The following LIPM variants were observed in gnomAD, a reference collection of about 807,000 sequenced individuals.
The protein encoded by LIPM is lipase member M.
Under a neutral mutation model 42.4 loss-of-function variants are expected in LIPM, and 42 were observed. The ratio of observed to expected loss-of-function variants is 0.99; its 90% CI spans 0.77 to 1.28. The LOEUF (loss-of-function observed/expected upper bound fraction) is 1.28, where lower values mean the gene tolerates loss of function less well. Among genes scored for constraint, LIPM ranks in the 50% most tolerant of loss-of-function variants. The pLI, the probability that LIPM is intolerant of heterozygous loss-of-function variation, is 0.00. For missense variants in LIPM, 524 were observed against 520.1 expected, an observed-to-expected ratio of 1.01 and a Z score of -0.07; for synonymous variants, 177 against 173.3, an observed-to-expected ratio of 1.02 and a Z score of -0.17.
At chr10:88,805,878 TAAATC>T (rs1843580152) in intron 1 of LIPM, 1 of 436,898 alleles carries the variant, frequency 2.3e-6, no homozygotes, top group Admixed American at 2.6e-5. Flanking sequence ...AGGAAAGAGA[TAAATC>T]AAACTGTGAT....
chr10:88,817,117 T>G (rs1390361131), intron 7 of LIPM, among the ~76,000 whole-genome samples: 3 of 152,204 alleles, frequency 2.0e-5, no homozygotes, highest in Non-Finnish European at 2.9e-5. Context: ...ATCTTAAAAG[T>G]ATGAATTTAG....
chr10:88,816,156 A>T (rs143676213), intron 6 of LIPM, among the ~76,000 whole-genome samples: 1 of 152,232 alleles, frequency 6.6e-6, no homozygotes, highest in East Asian at 1.9e-4. Context: ...GTCTTTATAC[A>T]CCATATCAGT....
chr10:88,807,484 G>A (rs552161862), intron 1 of LIPM, among the ~76,000 whole-genome samples: 2 of 152,162 alleles, frequency 1.3e-5, no homozygotes, highest in South Asian at 2.1e-4. Flanking sequence ...AGAATAGTGA[G>A]GATGCTTAGA....
chr10:88,804,745 G>A (rs890531539), intron 1 of LIPM, among the ~76,000 whole-genome samples: 5 of 152,156 alleles, frequency 3.3e-5, no homozygotes, highest in African/African-American at 1.2e-4. Flanking sequence ...TTACTGTCCC[G>A]TTTCTGGAGA....
Position 88,808,425 on chromosome 10 carries a change from A to C in LIPM, c.265+10A>C. 7.0e-7 allele frequency: 1 copy of C among 1,437,742 alleles called. No homozygotes were observed. The highest frequency in any genetic ancestry group is 1.4e-5 in the African/African-American group (1 of 70,542). The allele number at this position is 1,437,742 out of a possible 1,614,324, so 89.1% of individuals were successfully genotyped here. A position where few individuals can be genotyped will look rare whatever the true frequency, so the allele number is the denominator to read the frequency against. ...CAACCTAAGAAGACAGGTGTGGGTC[A>C]CCCCATGTCACCGCAACACAGCAGT... On this transcript the variant is annotated intron_variant, in intron 2 of 8. Coordinates refer to ENST00000404743, the MANE Select transcript of LIPM (RefSeq NM_001128215.1).
chr10:88,802,879 A>G lies in LIPM; in HGVS notation c.-18A>G, dbSNP rs1008486241. ...AGTTGTTACATTGGCAGGAAAAAAT[A>G]AATGCAGATGTTGGACCATGTTGGA... On this transcript the variant is annotated 5_prime_UTR_variant, in exon 1 of 9. The change creates a new upstream start codon in the 5' untranslated region. Coordinates refer to ENST00000404743, the MANE Select transcript of LIPM (RefSeq NM_001128215.1). 6.6e-7 allele frequency: 1 copy of G among 1,522,774 alleles called. No homozygotes were observed. The highest frequency in any genetic ancestry group is 1.4e-5 in the African/African-American group (1 of 71,292). 94.3% of individuals were successfully genotyped at this position (1,522,774 alleles called of 1,614,324 possible).
rs913967990 is a variant in LIPM, at chr10:88,813,296, G to A, written c.464+1G>A. ...ACCAAGATGAGTTCTGGGCTTTCAGGTATATGATAATCTCGAGAACAGAGG... is the reference window on the plus strand; with the variant it reads ...ACCAAGATGAGTTCTGGGCTTTCAGATATATGATAATCTCGAGAACAGAGG... On this transcript the variant is annotated splice_donor_variant, in intron 3 of 8. Transcript: ENST00000404743. LOFTEE classifies it high-confidence loss of function. 6.3e-7 allele frequency: 1 copy of A among 1,579,298 alleles called. No individual in the cohort carries two copies. Among genetic ancestry groups the A allele is most frequent in the Non-Finnish European group, 8.6e-7 (1 of 1,159,868 alleles).
At chr10:88,818,027 T>A (rs903455289) in intron 8 of LIPM, 131 bp downstream of exon 8, 1 of 713,302 alleles carries the variant, frequency 1.4e-6, no homozygotes, top group Non-Finnish European at 2.3e-6. Context: ...TGGTTCATGT[T>A]TGACTCCATT....
At chr10:88,805,466 T>A (rs78487643) in intron 1 of LIPM, among the ~76,000 whole-genome samples, 1,775 of 152,332 alleles carry the variant, frequency 0.012, 31 homozygotes, top group African/African-American at 0.039. Flanking sequence ...TTTTTTATAC[T>A]ATTACAAAAG....
In LIPM at chr10:88,817,842, A is replaced by G. The variant is rs1007493430; in HGVS notation, c.948A>G (p.Glu316=). The G allele has an allele frequency of 7.7e-6, 12 of 1,551,272 alleles. No individual in the cohort carries two copies. The highest frequency in any genetic ancestry group is 1.0e-5 in the Non-Finnish European group (12 of 1,146,820). ...LHWSQAVNSG[E]LRAFDWGSET... ...CCTTTTAGGCAGTGAATTCTGGTGA[A>G]CTCCGGGCATTTGACTGGGGGAGTG... Residue 316 remains glutamate (E), a synonymous_variant, in exon 8 of 9, where the codon GAA becomes GAG. Transcript: ENST00000404743.
Position 88,807,942 on chromosome 10 carries a change from T to G in LIPM, c.148-356T>G, listed in dbSNP as rs894434959. ...AGTGGTTCTCAAACATTAGGGTACA[T>G]CAAAATTCCCTAAAGAGCTTGAGAC... On this transcript the variant is annotated intron_variant, in intron 1 of 8. Transcript: ENST00000404743. Among the ~76,000 whole-genome samples, 3 of 152,178 alleles carry G rather than the reference T, an allele frequency of 2.0e-5. No individual in the cohort carries two copies. In the East Asian group the frequency reaches 5.8e-4, roughly 29 times the overall value.
rs897237772 is a variant in LIPM, at chr10:88,817,859, G to C, written c.965G>C (p.Trp322Ser). Residue 322 changes from tryptophan (W) to serine (S), a missense_variant, in exon 8 of 9, where the codon TGG becomes TCG. Trp to Ser is a radical substitution (Grantham distance 177). Transcript: ENST00000404743. ...TCTGGTGAACTCCGGGCATTTGACT[G>C]GGGGAGTGAGACCAAAAATCTGGAA... ...VNSGELRAFD[W>S]GSETKNLEKC... 1.3e-6 allele frequency: 2 copies of C among 1,551,330 alleles called. No homozygotes were observed. The highest frequency in any genetic ancestry group is 1.7e-6 in the Non-Finnish European group (2 of 1,146,758).
chr10:88,808,345 C>A lies in LIPM; in HGVS notation c.195C>A (p.Val65=). The part of the protein sequence containing the change: ...HQGYPCEEYE[V]ATEDGYILSV... ...GCTATCCCTGTGAGGAATATGAAGTCGCAACTGAAGATGGGTATATCCTTT... is the reference window on the plus strand; with the variant it reads ...GCTATCCCTGTGAGGAATATGAAGTAGCAACTGAAGATGGGTATATCCTTT... Residue 65 remains valine, a synonymous_variant, in exon 2 of 9, where the codon GTC becomes GTA. Transcript: ENST00000404743. 6.4e-7 allele frequency: 1 copy of A among 1,551,396 alleles called. No individual in the cohort carries two copies. The highest frequency in any genetic ancestry group is 8.7e-7 in the Non-Finnish European group (1 of 1,146,748).
intron 2 of LIPM, among the ~76,000 whole-genome samples, chr10:88,810,955 G>T (rs1266473791): frequency 6.6e-6 from 1 of 152,164 alleles, no homozygotes; most frequent in Non-Finnish European, 1.5e-5. Flanking sequence ...TGAACTAAAT[G>T]ACCAGATTAG....
At position 88,816,838 on chromosome 10, in the gene LIPM, C is replaced by T. The variant is rs561979576; in HGVS notation, c.881C>T (p.Ala294Val). 4.5e-6 allele frequency: 7 copies of T among 1,551,220 alleles called. No homozygotes were observed. The highest frequency in any genetic ancestry group is 2.0e-5 in the Admixed American group (1 of 50,984). ...CAGAGCCGAGCAAGTGTATATGCTG[C>T]CCACACTCTTGCTGGAACATCTGTG... Reference protein sequence around the residue: ...MNMSRASVYAAHTLAGTSVQN... With the variant: ...MNMSRASVYAVHTLAGTSVQN... Residue 294 changes from alanine (A) to valine (V), a missense_variant, in exon 7 of 9, where the codon GCC becomes GTC. Physicochemically the swap from Ala to Val is moderately conservative, Grantham distance 64 (BLOSUM62 0). Coordinates refer to ENST00000404743, the MANE Select transcript of LIPM (RefSeq NM_001128215.1).
intron 8 of LIPM, among the ~76,000 whole-genome samples, chr10:88,819,120 C>T (rs1843755155): frequency 6.6e-6 from 1 of 152,020 alleles, no homozygotes; most frequent in Non-Finnish European, 1.5e-5. Context: ...AAACTCCTGA[C>T]CTCAAGTGAT....
chr10:88,814,973 A>C, intron 4 of LIPM, 115 bp from the exon 5 acceptor site: 1 of 922,454 alleles, frequency 1.1e-6, no homozygotes, highest in Non-Finnish European at 1.6e-6. Flanking sequence ...TTTATAGGAG[A>C]GGTAAGATGC....
At chr10:88,818,773 C>A (rs901902993) in intron 8 of LIPM, among the ~76,000 whole-genome samples, 1 of 152,124 alleles carries the variant, frequency 6.6e-6, no homozygotes, top group Non-Finnish European at 1.5e-5. Context: ...GTGCAGTGCC[C>A]CTGGATAGTG....
In LIPM at chr10:88,816,120, G is replaced by A. The variant is rs57259051; in HGVS notation, c.858+617G>A. Among the ~76,000 whole-genome samples the A allele has an allele frequency of 5.4e-3, 823 of 152,236 alleles. 31 individuals are homozygous for A. Among genetic ancestry groups the A allele is most frequent in the Admixed American group, 0.045 (682 of 15,298 alleles). On this transcript the variant is annotated intron_variant, in intron 6 of 8. Transcript: ENST00000404743. ...GAAGATAGGATGACCCTTCAGAACCGTCTCAAGTTAGGAAGAGAGGGTTGG... is the reference window on the plus strand; with the variant it reads ...GAAGATAGGATGACCCTTCAGAACCATCTCAAGTTAGGAAGAGAGGGTTGG...
Sources: gnomAD v4.1 joint callset for allele counts (sites outside exome capture counted in the v4.1 genomes callset) on GRCh38, gnomAD v4.1.1 for gene constraint, MANE v1.5 for transcripts, NCBI Gene and HGNC (gene_info 2026-07-23, HGNC 2026-07-21) for gene names.